The following SLC44A5 variants were observed in gnomAD, a reference collection of about 807,000 sequenced individuals.
SLC44A5 encodes solute carrier family 44 member 5.
SLC44A5 carries 57 observed loss-of-function variants against 101.8 expected under a neutral mutation model. That is an observed-to-expected ratio of 0.56 (90% CI 0.45 to 0.70). SLC44A5 has a LOEUF of 0.70. SLC44A5 is among the 30% of genes least tolerant of loss of function. The probability of loss-of-function intolerance (pLI) is 0.00; values close to 1 mark genes in which losing one functional copy is unlikely to be tolerated. For missense variants in SLC44A5, 737 were observed against 853.1 expected, an observed-to-expected ratio of 0.86 and a Z score of 1.70; for synonymous variants, 281 against 290.9, an observed-to-expected ratio of 0.97 and a Z score of 0.35.
chr1:75,386,726 A>G (rs1364355162), intron 3 of SLC44A5, among the ~76,000 whole-genome samples: 2 of 151,402 alleles, frequency 1.3e-5, no homozygotes, highest in African/African-American at 4.9e-5. Context: ...GTTCATATGG[A>G]ACCAAAAAAG....
Position 75,215,808 on chromosome 1 carries a change from G to A in SLC44A5, c.1674C>T (p.Cys558=). Residue 558 remains cysteine, a synonymous_variant, in exon 19 of 24, where the codon TGC becomes TGT. Coordinates refer to ENST00000370859, the MANE Select transcript of SLC44A5 (RefSeq NM_001130058.2). ...TTATTGCATTTTCCAAACACCAGAA[G>A]CAGCATCTCAGGCAGCATTGTAGGA... is the stretch of plus-strand genomic sequence containing the variant. The part of the protein sequence containing the change: ...SKFLQCCLRC[C]FWCLENAIKF... 6.2e-7 allele frequency: 1 copy of A among 1,609,048 alleles called. No homozygotes were observed. The highest frequency in any genetic ancestry group is 8.5e-7 in the Non-Finnish European group (1 of 1,175,954).
At chr1:75,248,290 C>T (rs1281154180) in intron 7 of SLC44A5, among the ~76,000 whole-genome samples, 2 of 151,938 alleles carry the variant, frequency 1.3e-5, no homozygotes, top group Non-Finnish European at 2.9e-5. Context: ...ATGATCAAGC[C>T]ATAGCTTTGT....
chr1:75,286,438 C>A (rs1054356317), intron 5 of SLC44A5, among the ~76,000 whole-genome samples: 2 of 152,102 alleles, frequency 1.3e-5, no homozygotes, highest in East Asian at 1.9e-4. Context: ...CAATCCAAAT[C>A]TTTTAAGTGG....
chr1:75,598,795 G>C (rs961391551), intron 1 of SLC44A5, among the ~76,000 whole-genome samples: 2 of 152,088 alleles, frequency 1.3e-5, no homozygotes, highest in Admixed American at 6.6e-5. Context: ...GTGGGAGGAG[G>C]GAGAGGATCA....
intron 6 of SLC44A5, among the ~76,000 whole-genome samples, chr1:75,257,334 A>T (rs574202651): frequency 6.6e-6 from 1 of 152,288 alleles, no homozygotes; most frequent in East Asian, 1.9e-4. Flanking sequence ...GGGACTTCAA[A>T]ATGGCTGATG....
At chr1:75,657,111 T>C in the SLC44A5 span, among the ~76,000 whole-genome samples, 1 of 152,096 alleles carries the variant, frequency 6.6e-6, no homozygotes, top group Non-Finnish European at 1.5e-5. Context: ...ATCAAGTCAC[T>C]GCACTCCAGC....
chr1:75,281,473 T>C (rs957644759), intron 5 of SLC44A5, among the ~76,000 whole-genome samples: 1 of 151,866 alleles, frequency 6.6e-6, no homozygotes. Flanking sequence ...GGGGAGAAAT[T>C]CAAGCCTGCT....
chr1:75,228,664 T>A (rs1458014927), intron 12 of SLC44A5, among the ~76,000 whole-genome samples: 1 of 151,878 alleles, frequency 6.6e-6, no homozygotes, highest in East Asian at 1.9e-4. Context: ...AATTGATGAT[T>A]TTTTGTTTGT....
chr1:75,429,910 T>A (rs766822814), intron 2 of SLC44A5, among the ~76,000 whole-genome samples: 1 of 152,124 alleles, frequency 6.6e-6, no homozygotes, highest in African/African-American at 2.4e-5. Flanking sequence ...ATCCAAACCA[T>A]ATCAACATCT....
intron 2 of SLC44A5, among the ~76,000 whole-genome samples, chr1:75,506,907 C>CTTTTTTTTTTTTTT (rs61554987): frequency 8.7e-5 from 6 of 68,766 alleles, no homozygotes; most frequent in African/African-American, 1.2e-4. Context: ...TATTCCTATT[C>CTTTTTTTTTTTTTT]TTTTTTTTTT....
At chr1:75,629,149 AG>A in the SLC44A5 span, among the ~76,000 whole-genome samples, 1 of 152,170 alleles carries the variant, frequency 6.6e-6, no homozygotes, top group African/African-American at 2.4e-5. Flanking sequence ...AAAGTGGAGA[AG>A]AAGCATGTGT....
chr1:75,336,178 CAG>C lies in SLC44A5; in HGVS notation c.101+3402_101+3403del, dbSNP rs1317245241. 2.6e-5 allele frequency among the ~76,000 whole-genome samples: 4 copies of C among 152,128 alleles called. No individual in the cohort carries two copies. The East Asian group carries it at 7.7e-4, about 29-fold the overall frequency. On this transcript the variant is annotated intron_variant, in intron 4 of 23. Coordinates refer to ENST00000370859, the MANE Select transcript of SLC44A5 (RefSeq NM_001130058.2). ...TTATTATTATTATTATTTTTTGAGACAGAGTCTTTCTCTGTCACCCAGGCTGG... is the reference window on the plus strand; with the variant it reads ...TTATTATTATTATTATTTTTTGAGACAGTCTTTCTCTGTCACCCAGGCTGG...
the SLC44A5 span, among the ~76,000 whole-genome samples, chr1:75,630,558 G>A: frequency 6.6e-6 from 1 of 152,004 alleles, no homozygotes; most frequent in Non-Finnish European, 1.5e-5. Context: ...CCTTAGGAGA[G>A]AGGATTCTGC....
At chr1:75,619,539 G>A in the SLC44A5 span, among the ~76,000 whole-genome samples, 4 of 151,978 alleles carry the variant, frequency 2.6e-5, no homozygotes, top group Non-Finnish European at 5.9e-5. Flanking sequence ...TCTTTTTGAT[G>A]TTGATTAATA....
intron 23 of SLC44A5, among the ~76,000 whole-genome samples, chr1:75,210,927 G>A (rs1016155160): frequency 5.3e-5 from 8 of 152,020 alleles, no homozygotes; most frequent in African/African-American, 1.9e-4. Context: ...AATATTTAAG[G>A]TGTGTAATGT....
At chr1:75,551,009 G>A (rs768225888) in intron 1 of SLC44A5, among the ~76,000 whole-genome samples, 9 of 152,122 alleles carry the variant, frequency 5.9e-5, no homozygotes, top group Non-Finnish European at 1.0e-4. Flanking sequence ...AAGAAGTTAG[G>A]TAATTGATGT....
chr1:75,461,890 T>G (rs1424677706), intron 2 of SLC44A5, among the ~76,000 whole-genome samples: 1 of 152,084 alleles, frequency 6.6e-6, no homozygotes, highest in Non-Finnish European at 1.5e-5. Flanking sequence ...CAGATGGCCT[T>G]TTAAGGTTTT....
the SLC44A5 span, among the ~76,000 whole-genome samples, chr1:75,616,689 A>G: frequency 6.6e-6 from 1 of 152,132 alleles, no homozygotes; most frequent in East Asian, 1.9e-4. Context: ...CGAGAAGGAA[A>G]GAGGGGAGAG....
intron 1 of SLC44A5, among the ~76,000 whole-genome samples, chr1:75,591,691 A>G (rs1049652854): frequency 2.0e-5 from 3 of 152,164 alleles, no homozygotes; most frequent in African/African-American, 7.2e-5. Flanking sequence ...ACCAAGTGGG[A>G]TTTACCCCTG....
Sources: gnomAD v4.1 joint callset for allele counts (sites outside exome capture counted in the v4.1 genomes callset) on GRCh38, gnomAD v4.1.1 for gene constraint, MANE v1.5 for transcripts, NCBI Gene and HGNC (gene_info 2026-07-23, HGNC 2026-07-21) for gene names.